The following CPT1A variants were observed in gnomAD, a reference collection of about 807,000 sequenced individuals.
CPT1A encodes carnitine O-palmitoyltransferase 1, liver isoform.
CPT1A carries 64 observed loss-of-function variants against 100.8 expected under a neutral mutation model. The ratio of observed to expected loss-of-function variants is 0.63; its 90% CI spans 0.52 to 0.78. CPT1A has a LOEUF of 0.78. Ranked by LOEUF, CPT1A falls within the 30% of genes least tolerant of loss-of-function variation. CPT1A has a pLI of 0.00. For missense variants in CPT1A, 802 were observed against 1,034.1 expected (o/e 0.78, Z 3.08); for synonymous variants, 363 against 396.0 (o/e 0.92, Z 0.99).
chr11:68,799,643 T>C (rs974288825), intron 5 of CPT1A, among the ~76,000 whole-genome samples: 13 of 151,890 alleles, frequency 8.6e-5, no homozygotes, highest in African/African-American at 2.4e-4. Context: ...TGGTCCCAGC[T>C]ACCTGGGGGG....
intron 1 of CPT1A, among the ~76,000 whole-genome samples, chr11:68,840,762 G>A (rs1025423545): frequency 6.6e-6 from 1 of 152,224 alleles, no homozygotes; most frequent in African/African-American, 2.4e-5. Context: ...CAAACCGAAA[G>A]AAGCCGGCTG....
At chr11:68,814,530 G>T (rs1467433276) in intron 2 of CPT1A, among the ~76,000 whole-genome samples, 1 of 152,004 alleles carries the variant, frequency 6.6e-6, no homozygotes, top group Non-Finnish European at 1.5e-5. Flanking sequence ...GGATGGTCTC[G>T]ATCTCCTGAC....
chr11:68,824,827 C>T (rs1856680447), intron 1 of CPT1A, among the ~76,000 whole-genome samples: 1 of 114,536 alleles, frequency 8.7e-6, no homozygotes, highest in South Asian at 2.9e-4. Flanking sequence ...ACTGTTGAGT[C>T]TTGCTCTGTC....
intron 4 of CPT1A, among the ~76,000 whole-genome samples, chr11:68,806,018 A>ATTT (rs539379303): frequency 9.3e-5 from 13 of 139,214 alleles, no homozygotes; most frequent in African/African-American, 2.9e-4. Context: ...AAGCCCATAA[A>ATTT]TTTTTTTTTT....
At chr11:68,836,940 G>C (rs1172739990) in intron 1 of CPT1A, among the ~76,000 whole-genome samples, 1 of 152,238 alleles carries the variant, frequency 6.6e-6, no homozygotes, top group Non-Finnish European at 1.5e-5. Flanking sequence ...CAGGGCACCA[G>C]AGGAGATGAC....
intron 14 of CPT1A, among the ~76,000 whole-genome samples, chr11:68,770,351 G>T (rs1484731616): frequency 1.3e-5 from 2 of 152,192 alleles, no homozygotes; most frequent in African/African-American, 4.8e-5. Context: ...GGCTCACTGG[G>T]TGTGCCTCTT....
At chr11:68,832,605 G>A (rs1337613160) in intron 1 of CPT1A, among the ~76,000 whole-genome samples, 1 of 152,222 alleles carries the variant, frequency 6.6e-6, no homozygotes, top group Non-Finnish European at 1.5e-5. Context: ...GGTCACTGTT[G>A]TAACCAAAAT....
intron 14 of CPT1A, among the ~76,000 whole-genome samples, chr11:68,768,708 A>T (rs1475788072): frequency 6.6e-6 from 1 of 152,096 alleles, no homozygotes; most frequent in South Asian, 2.1e-4. Context: ...GCCTGGCCAG[A>T]TTTCCTCACA....
In CPT1A at chr11:68,773,289, C is replaced by T. The variant is rs1261515372; in HGVS notation, c.1716G>A (p.Leu572=). ...CCTTGTAGTGCGCCAGCTGGAGGGC[C>T]AGCTGCACAAAGGCGTCTGGGCTCG... ...CRTSPDAFVQ[L]ALQLAHYKDM... The change falls in exon 14 of 19, where the codon CTG becomes CTA. Residue 572 remains leucine, a synonymous_variant. Coordinates refer to ENST00000265641, the MANE Select transcript of CPT1A (RefSeq NM_001876.4). 6.2e-7 allele frequency: 1 copy of T among 1,614,152 alleles called. No individual in the cohort carries two copies. Among genetic ancestry groups the T allele is most frequent in the African/African-American group, 1.3e-5 (1 of 75,038 alleles).
At chr11:68,811,552 G>A (rs897735493) in intron 3 of CPT1A, among the ~76,000 whole-genome samples, 10 of 152,158 alleles carry the variant, frequency 6.6e-5, no homozygotes, top group Admixed American at 5.9e-4. Context: ...GGCAGGGGGT[G>A]GGGGGACCTC....
chr11:68,761,246 G>A (rs771812227), intron 16 of CPT1A, among the ~76,000 whole-genome samples: 6 of 148,954 alleles, frequency 4.0e-5, no homozygotes, highest in Non-Finnish European at 5.9e-5. Flanking sequence ...AAGGTGGTAC[G>A]CGCTCACAGC....
At chr11:68,817,750 T>TGG (rs113196178) in intron 1 of CPT1A, among the ~76,000 whole-genome samples, 579 of 31,542 alleles carry the variant, frequency 0.018, 14 homozygotes, top group African/African-American at 0.061. Context: ...GACAGGCTGT[T>TGG]GGGGGGGGGT....
intron 3 of CPT1A, 41 bp from the exon 4 acceptor site, chr11:68,807,679 C>T: frequency 3.1e-6 from 5 of 1,598,414 alleles, no homozygotes; most frequent in African/African-American, 1.3e-5. Flanking sequence ...GTGCGTGAGG[C>T]CACACGGTGC....
intron 17 of CPT1A, 96 bp downstream of exon 17, chr11:68,760,129 A>G: frequency 1.2e-6 from 1 of 841,074 alleles, no homozygotes; most frequent in Admixed American, 2.0e-5. Context: ...ACCGCAAGGT[A>G]ACGGGGGCAC....
In CPT1A at chr11:68,807,447, C is replaced by T. The variant is rs945883519; in HGVS notation, c.453+20G>A. On this transcript the variant is annotated intron_variant, in intron 4 of 18. Transcript: ENST00000265641. ...CCCAAACTGTCCACCCCCTCCACAG[C>T]CAGAGGGACACGCAATTACCATCCA... 1.9e-6 allele frequency: 3 copies of T among 1,611,458 alleles called. No individual in the cohort carries two copies. In the African/African-American group the frequency reaches 4.0e-5, roughly 22 times the overall value.
intron 1 of CPT1A, among the ~76,000 whole-genome samples, chr11:68,832,436 C>T (rs530647171): frequency 2.2e-4 from 34 of 151,932 alleles, no homozygotes; most frequent in Non-Finnish European, 4.4e-4. Flanking sequence ...GGTGACAGAG[C>T]GAGACTCTGT....
rs748174436 is a variant in CPT1A at position 68,812,471 on chromosome 11, T to C, written c.247A>G (p.Ile83Val). ...AGAGTCCGATTGATTTTTGCAATTA[T>C]TCCTAACGAGGGGTCGATCTTGGCG... is the stretch of plus-strand genomic sequence containing the variant. ...MYAKIDPSLG[I>V]IAKINRTLET... Residue 83 changes from isoleucine to valine, a missense_variant, in exon 3 of 19, where the codon ATA becomes GTA. Transcript: ENST00000265641. 4.3e-6 allele frequency: 7 copies of C among 1,614,094 alleles called. No individual in the cohort carries two copies. The Admixed American group carries it at 1.2e-4, about 27-fold the overall frequency.
chr11:68,802,941 T>G (rs1409898847), intron 5 of CPT1A, among the ~76,000 whole-genome samples: 5 of 143,848 alleles, frequency 3.5e-5, no homozygotes, highest in South Asian at 2.3e-4. Context: ...AAGAAATGAG[T>G]AGCTTTGAGG....
intron 5 of CPT1A, among the ~76,000 whole-genome samples, chr11:68,802,638 G>GC (rs1855933251): frequency 6.6e-6 from 1 of 152,020 alleles, no homozygotes; most frequent in African/African-American, 2.4e-5. Flanking sequence ...GGAGGCTGAG[G>GC]CAGGAGAATG....
Sources: gnomAD v4.1 joint callset for allele counts (sites outside exome capture counted in the v4.1 genomes callset) on GRCh38, gnomAD v4.1.1 for gene constraint, MANE v1.5 for transcripts, NCBI Gene and HGNC (gene_info 2026-07-23, HGNC 2026-07-21) for gene names.